Variants in LRCH2 observed in about 807,000 individuals in gnomAD.
LRCH2 encodes leucine rich repeats and calponin homology domain containing 2.
LRCH2 carries 38 observed loss-of-function variants against 68.9 expected under a neutral mutation model. That is an observed-to-expected ratio of 0.55 (90% CI 0.43 to 0.72). The LOEUF is 0.72. LRCH2 is among the 30% of genes least tolerant of loss of function. The pLI is 0.00. For synonymous variants in LRCH2, 191 were observed against 208.1 expected (o/e 0.92, Z 0.71); for missense variants, 528 against 572.9 (o/e 0.92, Z 0.80).
At chrX:115,159,432 A>T (rs1171344928) in intron 11 of LRCH2, among the ~76,000 whole-genome samples, 1 of 110,345 alleles carries the variant, frequency 9.1e-6, no homozygotes, top group African/African-American at 3.3e-5. Context: ...TTGACAGGGG[A>T]TGATAAAGAC....
At chrX:115,154,080 C>G (rs1181957318) in intron 12 of LRCH2, among the ~76,000 whole-genome samples, 1 of 111,349 alleles carries the variant, frequency 9.0e-6, no homozygotes, top group African/African-American at 3.3e-5. Flanking sequence ...CATGCTAATA[C>G]TAAACAAAAG....
chrX:115,189,609 C>T (rs1556556208), intron 1 of LRCH2: 1 of 1,169,668 alleles, frequency 8.5e-7, no homozygotes, highest in Non-Finnish European at 1.1e-6. Context: ...TCGTCACCTT[C>T]GAAAGCCCTG....
chrX:115,234,004 C>T lies in LRCH2; in HGVS notation c.38G>A (p.Gly13Asp), dbSNP rs1556579479. The T allele has an allele frequency of 6.0e-6, 7 of 1,167,108 alleles. No individual in the cohort carries two copies. The highest frequency in any genetic ancestry group is 3.3e-5 in the East Asian group (1 of 30,716). Reference sequence around the variant, plus strand: ...ACTTCCACCTCCACCACAACCGCCGCCCCCACTGTTACCGCCTCCTCCCTG... The same window carrying T: ...ACTTCCACCTCCACCACAACCGCCGTCCCCACTGTTACCGCCTCCTCCCTG... Reference protein sequence around the residue: ...ASQGGGGNSGGGGCGGGGSSG... With the variant: ...ASQGGGGNSGDGGCGGGGSSG... Residue 13 changes from glycine (G) to aspartate (D), a missense_variant, in exon 1 of 21, where the codon GGC becomes GAC. By Grantham distance (94) the Gly-to-Asp change is moderately conservative. Transcript: ENST00000317135.
At chrX:115,193,384 C>G in intron 1 of LRCH2, among the ~76,000 whole-genome samples, 1 of 111,380 alleles carries the variant, frequency 9.0e-6, no homozygotes. Flanking sequence ...AATATAACAT[C>G]TGAAATGAAG....
rs2072158447 is a variant in LRCH2 at position 115,123,125 on chromosome X, C to T, written c.1917G>A (p.Met639Ile). The T allele has an allele frequency of 8.3e-7, 1 of 1,208,397 alleles. No homozygotes were observed. Among genetic ancestry groups the T allele is most frequent in the Admixed American group, 2.2e-5 (1 of 45,482 alleles). The change falls in exon 18 of 21, where the codon ATG becomes ATA. Residue 639 changes from methionine to isoleucine, a missense_variant. By Grantham distance (10) the Met-to-Ile change is conservative. Transcript: ENST00000317135. The part of the protein sequence containing the change: ...ADPGFTMRRK[M>I]EHLREEREQI... ...GCTCTCGCTCTTCCCGTAAATGTTC[C>T]ATCTTTCTTCTCATTGTAAATCCTG...
intron 1 of LRCH2, among the ~76,000 whole-genome samples, chrX:115,210,412 TG>T (rs2072998847): frequency 8.9e-6 from 1 of 112,224 alleles, no homozygotes; most frequent in African/African-American, 3.2e-5. Flanking sequence ...AGCTTCCATG[TG>T]GTGCTGAGCC....
intron 1 of LRCH2, among the ~76,000 whole-genome samples, chrX:115,196,106 T>C (rs2072885670): frequency 9.0e-6 from 1 of 111,251 alleles, no homozygotes; most frequent in Non-Finnish European, 1.9e-5. Context: ...GGACATGGCA[T>C]GGGCTCCAGC....
At chrX:115,118,628 A>C (rs1325165858) in intron 20 of LRCH2, among the ~76,000 whole-genome samples, 3 of 111,185 alleles carry the variant, frequency 2.7e-5, no homozygotes, top group Non-Finnish European at 3.8e-5. Flanking sequence ...AAATTATTCC[A>C]ATCAATAGAA....
intron 5 of LRCH2, among the ~76,000 whole-genome samples, chrX:115,174,959 C>T (rs2072636032): frequency 9.0e-6 from 1 of 111,111 alleles, no homozygotes; most frequent in South Asian, 3.9e-4. Flanking sequence ...ACTTTCAATC[C>T]TACCTCCCTC....
intron 1 of LRCH2, chrX:115,192,461 G>A (rs1556561362): frequency 1.8e-5 from 21 of 1,168,496 alleles, no homozygotes; most frequent in Middle Eastern, 2.3e-4. Context: ...AGTTACGGCC[G>A]GAGCGACCGC....
chrX:115,131,485 T>A (rs782240478), intron 14 of LRCH2, among the ~76,000 whole-genome samples: 9 of 111,794 alleles, frequency 8.1e-5, no homozygotes, highest in South Asian at 3.8e-4. Context: ...TGTGCCACAT[T>A]TTCTTAATCC....
At chrX:115,214,729 A>G (rs1246396350) in intron 1 of LRCH2, among the ~76,000 whole-genome samples, 3 of 112,100 alleles carry the variant, frequency 2.7e-5, no homozygotes, top group African/African-American at 9.7e-5. Context: ...GCAAAGGTGC[A>G]AACAAAAACA....
chrX:115,136,326 T>A (rs1019819711), intron 14 of LRCH2, among the ~76,000 whole-genome samples: 2 of 111,332 alleles, frequency 1.8e-5, no homozygotes, highest in Non-Finnish European at 3.8e-5. Context: ...GATATTCAAG[T>A]CCCTTCCCTT....
intron 16 of LRCH2, among the ~76,000 whole-genome samples, chrX:115,125,842 G>A (rs1386471344): frequency 1.9e-5 from 2 of 106,720 alleles, no homozygotes; most frequent in East Asian, 5.9e-4. Flanking sequence ...CTAATTTTAA[G>A]ATATCCTAAT....
In LRCH2 at chrX:115,130,155, C is replaced by T. The variant is rs1556529465; in HGVS notation, c.1740G>A (p.Glu580=). ...AATTATTAATATTATCTTTTCTCACCTCATCATTTTCATTGCCACTTGAAC... is the reference window on the plus strand; with the variant it reads ...AATTATTAATATTATCTTTTCTCACTTCATCATTTTCATTGCCACTTGAAC... ...RKSSSGNEND[E]QDSDNANMST... is the part of the protein sequence containing the mutation. The change falls in exon 15 of 21, where the codon GAG becomes GAA. Residue 580 remains glutamate (E), a splice_region_variant and synonymous_variant. Transcript: ENST00000317135. The T allele has an allele frequency of 3.9e-6, 4 of 1,023,635 alleles. No homozygotes were observed. The South Asian group carries it at 6.7e-5, about 17-fold the overall frequency. 84.4% of individuals were successfully genotyped at this position (1,023,635 alleles called of 1,213,427 possible).
intron 6 of LRCH2, among the ~76,000 whole-genome samples, chrX:115,169,970 C>T (rs781808430): frequency 9.0e-6 from 1 of 111,640 alleles, no homozygotes; most frequent in African/African-American, 3.2e-5. Context: ...AGTTCAAAGT[C>T]AAATTCTACT....
chrX:115,119,854 G>A (rs1462233513), intron 20 of LRCH2, among the ~76,000 whole-genome samples: 1 of 108,655 alleles, frequency 9.2e-6, no homozygotes, highest in Admixed American at 9.9e-5. Context: ...AGAGCCCTCA[G>A]AAATAACACC....
intron 14 of LRCH2, among the ~76,000 whole-genome samples, chrX:115,140,008 G>T (rs782436936): frequency 9.0e-6 from 1 of 111,391 alleles, no homozygotes; most frequent in Admixed American, 9.5e-5. Flanking sequence ...GTGACTTAGG[G>T]AGACACCAGC....
At chrX:115,155,965 A>G (rs373505571) in intron 12 of LRCH2, among the ~76,000 whole-genome samples, 2 of 111,587 alleles carry the variant, frequency 1.8e-5, no homozygotes, top group African/African-American at 6.5e-5. Context: ...GGGAGTCACA[A>G]GTAAGATTTG....
Sources: allele counts gnomAD v4.1 joint callset (sites outside exome capture counted in the v4.1 genomes callset), GRCh38; gene constraint gnomAD v4.1.1; transcripts MANE v1.5; gene names NCBI Gene and HGNC (gene_info 2026-07-23, HGNC 2026-07-21).